Variants in ARHGAP18 observed in about 807,000 individuals in gnomAD.
The protein encoded by ARHGAP18 is rho GTPase-activating protein 18.
In ARHGAP18, 67 loss-of-function variants were observed where a neutral mutation model predicts 86.2. That is an observed-to-expected ratio of 0.78 (90% CI 0.64 to 0.95). The LOEUF is 0.95. ARHGAP18 is among the 40% of genes least tolerant of loss of function. The pLI, the probability that ARHGAP18 is intolerant of heterozygous loss-of-function variation, is 0.00. For synonymous variants in ARHGAP18, 283 were observed against 280.4 expected, an observed-to-expected ratio of 1.01 and a Z score of -0.09; for missense variants, 691 against 780.4, an observed-to-expected ratio of 0.89 and a Z score of 1.37.
chr6:129,659,065 C>T (rs115573836), intron 1 of ARHGAP18, among the ~76,000 whole-genome samples: 1 of 152,170 alleles, frequency 6.6e-6, no homozygotes, highest in Admixed American at 6.5e-5. Context: ...ATCATCACTG[C>T]AACATGTAAT....
chr6:129,603,366 G>A (rs1788788440), intron 10 of ARHGAP18, among the ~76,000 whole-genome samples: 2 of 152,116 alleles, frequency 1.3e-5, no homozygotes, highest in South Asian at 4.1e-4. Context: ...GTGTATGTGT[G>A]TATGTGTGTG....
intron 1 of ARHGAP18, among the ~76,000 whole-genome samples, chr6:129,669,161 T>C (rs868616737): frequency 8.6e-5 from 13 of 150,884 alleles, no homozygotes; most frequent in African/African-American, 3.2e-4. Flanking sequence ...GTGCTTGGCA[T>C]CTAACACGCA....
At chr6:129,668,399 C>CACACAG (rs1562718322) in intron 1 of ARHGAP18, among the ~76,000 whole-genome samples, 3 of 135,404 alleles carry the variant, frequency 2.2e-5, no homozygotes, top group Non-Finnish European at 1.7e-5. Flanking sequence ...CACACACACA[C>CACACAG]AGACACACAC....
At chr6:129,605,792 A>C in intron 10 of ARHGAP18, 85 bp downstream of exon 10, 1 of 1,223,868 alleles carries the variant, frequency 8.2e-7, no homozygotes, top group South Asian at 1.2e-5. Context: ...TGTCCAAGAT[A>C]CACATCTTAT....
rs547780305 is a variant in ARHGAP18 at position 129,631,791 on chromosome 6, T to C, written c.616+2251A>G. Among the ~76,000 whole-genome samples, 5 of 152,026 alleles carry C rather than the reference T, an allele frequency of 3.3e-5. No homozygotes were observed. The South Asian group carries it at 1.0e-3, about 32-fold the overall frequency. On this transcript the variant is annotated intron_variant, in intron 4 of 14. Transcript: ENST00000368149. ...AAAAAAAAAAGATTTTTCTTTCCTC[T>C]GTAGAAATTCAAAAGAAAATAAGAA...
chr6:129,701,773 T>TAAAAAA (rs200564108), intron 1 of ARHGAP18, among the ~76,000 whole-genome samples: 2 of 149,078 alleles, frequency 1.3e-5, no homozygotes, highest in Non-Finnish European at 3.0e-5. Context: ...CCATCTCAAA[T>TAAAAAA]AAAAAAAAAC....
intron 7 of ARHGAP18, among the ~76,000 whole-genome samples, chr6:129,613,766 T>A (rs1156738069): frequency 1.3e-5 from 2 of 152,174 alleles, no homozygotes; most frequent in South Asian, 2.1e-4. Flanking sequence ...AAATAATACT[T>A]TATAGCATTC....
chr6:129,629,272 C>A, intron 5 of ARHGAP18, 81 bp downstream of exon 5: 4 of 1,090,878 alleles, frequency 3.7e-6, no homozygotes, highest in Non-Finnish European at 5.2e-6. Flanking sequence ...TGTGTGTGTG[C>A]GTGTGTGTGT....
At position 129,685,381 on chromosome 6, in the gene ARHGAP18, C is replaced by CCTGTACAGGCAT. The variant is rs1166067063; in HGVS notation, c.113+24642_113+24643insATGCCTGTACAG. On this transcript the variant is annotated intron_variant, in intron 1 of 14. Transcript: ENST00000368149. ...AATTAGCCAGGCATGGTGGCAGGCA[C>CCTGTACAGGCAT]CTGTAATCCCAGCTACTTGGGAGGC... Among the ~76,000 whole-genome samples, 6 of 152,056 alleles carry CCTGTACAGGCAT rather than the reference C, an allele frequency of 3.9e-5. No individual in the cohort carries two copies. The East Asian group carries it at 9.7e-4, about 25-fold the overall frequency.
chr6:129,599,133 C>T, intron 12 of ARHGAP18, 83 bp downstream of exon 12: 2 of 1,185,086 alleles, frequency 1.7e-6, no homozygotes, highest in Non-Finnish European at 2.2e-6. Context: ...GAAAGTCATA[C>T]TATGAAAACA....
chr6:129,692,391 G>A (rs1307311390), intron 1 of ARHGAP18, among the ~76,000 whole-genome samples: 1 of 151,812 alleles, frequency 6.6e-6, no homozygotes, highest in African/African-American at 2.4e-5. Flanking sequence ...CCCTCTCCTT[G>A]TCCTCCCTGC....
chr6:129,680,504 G>C (rs1056113802), intron 1 of ARHGAP18, among the ~76,000 whole-genome samples: 1 of 151,944 alleles, frequency 6.6e-6, no homozygotes, highest in African/African-American at 2.4e-5. Flanking sequence ...ATTTCCTTTC[G>C]AACAGCTCCT....
intron 1 of ARHGAP18, among the ~76,000 whole-genome samples, chr6:129,697,953 A>G (rs1774647179): frequency 6.6e-6 from 1 of 152,208 alleles, no homozygotes; most frequent in South Asian, 2.1e-4. Flanking sequence ...ACGTTGATCG[A>G]GTTACATGTT....
chr6:129,676,949 AAGG>A (rs1774246486), intron 1 of ARHGAP18, among the ~76,000 whole-genome samples: 4 of 93,046 alleles, frequency 4.3e-5, no homozygotes, highest in Admixed American at 3.7e-4. Context: ...TTTTTTTTTT[AAGG>A]AAGGAAAATA....
At chr6:129,675,339 G>A (rs973421749) in intron 1 of ARHGAP18, among the ~76,000 whole-genome samples, 11 of 147,938 alleles carry the variant, frequency 7.4e-5, no homozygotes, top group East Asian at 2.0e-4. Context: ...AACCGAGACC[G>A]CGCCACTGCA....
At chr6:129,621,157 C>T (rs1318547282) in intron 5 of ARHGAP18, among the ~76,000 whole-genome samples, 1 of 152,044 alleles carries the variant, frequency 6.6e-6, no homozygotes, top group African/African-American at 2.4e-5. Flanking sequence ...ATAGGTATAA[C>T]CCACATAAAC....
At chr6:129,616,132 G>T in intron 7 of ARHGAP18, 80 bp downstream of exon 7, 1 of 1,146,212 alleles carries the variant, frequency 8.7e-7, no homozygotes, top group Non-Finnish European at 1.2e-6. Flanking sequence ...TTGGAAAACT[G>T]TATTATAATA....
At chr6:129,696,593 A>G (rs1774621242) in intron 1 of ARHGAP18, among the ~76,000 whole-genome samples, 1 of 152,232 alleles carries the variant, frequency 6.6e-6, no homozygotes, top group South Asian at 2.1e-4. Flanking sequence ...GTTCTATTAT[A>G]TATGGGGAAT....
intron 1 of ARHGAP18, among the ~76,000 whole-genome samples, chr6:129,676,915 CTTTTTTT>C (rs10688716): frequency 0.015 from 559 of 37,896 alleles, 10 homozygotes; most frequent in African/African-American, 0.036. Flanking sequence ...TTTTTGTCCT[CTTTTTTT>C]TTTTTTTTTT....
Sources: gnomAD v4.1 joint callset for allele counts (sites outside exome capture counted in the v4.1 genomes callset) on GRCh38, gnomAD v4.1.1 for gene constraint, MANE v1.5 for transcripts, NCBI Gene and HGNC (gene_info 2026-07-23, HGNC 2026-07-21) for gene names.